The following CNOT1 variants were observed in gnomAD, a reference collection of about 807,000 sequenced individuals.
The protein encoded by CNOT1 is CCR4-NOT transcription complex subunit 1.
In CNOT1, 15 loss-of-function variants were observed where a neutral mutation model predicts 273.8. The ratio of observed to expected loss-of-function variants is 0.05; its 90% CI spans 0.04 to 0.08. The LOEUF is 0.08. Among genes scored for constraint, CNOT1 ranks in the 10% least tolerant of loss-of-function variants. CNOT1 has a pLI of 1.00. For synonymous variants in CNOT1, 1,022 were observed against 1,005.5 expected (o/e 1.02, Z -0.31); for missense variants, 1,644 against 2,912.2 (o/e 0.56, Z 10.02).
At chr16:58,565,330 G>T (rs1191518285) in intron 16 of CNOT1, among the ~76,000 whole-genome samples, 2 of 151,992 alleles carry the variant, frequency 1.3e-5, no homozygotes, top group Non-Finnish European at 2.9e-5. Flanking sequence ...GCCCAGGCTG[G>T]TCTCAAACTC....
At chr16:58,577,331 G>A (rs779334421) in intron 13 of CNOT1, among the ~76,000 whole-genome samples, 8 of 152,306 alleles carry the variant, frequency 5.3e-5, no homozygotes, top group Middle Eastern at 6.8e-3. Context: ...CAGCTATGGT[G>A]AGAAAGGAAT....
At chr16:58,562,763 CA>C (rs2040903866) in intron 16 of CNOT1, among the ~76,000 whole-genome samples, 1 of 152,058 alleles carries the variant, frequency 6.6e-6, no homozygotes, top group South Asian at 2.1e-4. Context: ...GCAGAGGATG[CA>C]ATGACCTGAG....
chr16:58,558,076 T>C (rs2040699996), intron 18 of CNOT1, among the ~76,000 whole-genome samples: 1 of 152,100 alleles, frequency 6.6e-6, no homozygotes, highest in Admixed American at 6.6e-5. Context: ...TGAAATGCAA[T>C]AAGGCAGGCA....
In CNOT1 at chr16:58,520,192, C is replaced by T. The variant is rs2039316780; in HGVS notation, c.*766G>A. ...AACAATTAATTAATGAGATTTGGTT[C>T]CCTTTCCTATATTCCCACTGTTTTT... is the stretch of plus-strand genomic sequence containing the variant. On this transcript the variant is annotated 3_prime_UTR_variant, in exon 49 of 49. Coordinates refer to ENST00000317147, the MANE Select transcript of CNOT1 (RefSeq NM_016284.5). 1 of 151,978 alleles carries T rather than the reference C, an allele frequency of 6.6e-6. No homozygotes were observed. 9.4% of individuals were successfully genotyped at this position (151,978 alleles called of 1,614,324 possible).
At position 58,576,561 on chromosome 16, in the gene CNOT1, G is replaced by T. The variant is rs1388654739; in HGVS notation, c.1606C>A (p.Gln536Lys). Residue 536 changes from glutamine (Q) to lysine (K), a missense_variant, in exon 14 of 49, where the codon CAA (glutamine) becomes AAA (lysine). Physicochemically the swap from Gln to Lys is moderately conservative, Grantham distance 53. This residue lies in a region of CNOT1 where 706 missense variants were observed against 1,021.2 expected (regional missense o/e 0.69). Coordinates refer to ENST00000317147, the MANE Select transcript of CNOT1 (RefSeq NM_016284.5). ...TCTGCCATTGCATGCATGATAAGTT[G>T]GCGAATTGAGGGAGACTGTCCCTAA... ...HGQGQSPSIRQLIMHAMAEWY... is the reference protein window; with the variant it reads ...HGQGQSPSIRKLIMHAMAEWY... 6.2e-7 allele frequency: 1 copy of T among 1,613,960 alleles called. No individual in the cohort carries two copies. Among genetic ancestry groups the T allele is most frequent in the African/African-American group, 1.3e-5 (1 of 74,882 alleles).
intron 10 of CNOT1, among the ~76,000 whole-genome samples, chr16:58,581,863 A>T (rs1242220286): frequency 6.6e-6 from 1 of 152,058 alleles, no homozygotes; most frequent in Admixed American, 6.6e-5. Flanking sequence ...GGTTTTCGCC[A>T]TGCTGGCCAG....
chr16:58,539,719 A>G, intron 35 of CNOT1, 49 bp downstream of exon 35: 1 of 1,524,462 alleles, frequency 6.6e-7, no homozygotes. Context: ...CAGGTCAATA[A>G]ATGTTTACAC....
At chr16:58,604,986 A>G (rs868270716) in intron 1 of CNOT1, among the ~76,000 whole-genome samples, 28 of 151,582 alleles carry the variant, frequency 1.8e-4, no homozygotes, top group Admixed American at 2.6e-4. Context: ...AATACAAAAA[A>G]GTAGCTGGGC....
chr16:58,539,563 GA>G (rs199659223), intron 35 of CNOT1, among the ~76,000 whole-genome samples: 1 of 147,072 alleles, frequency 6.8e-6, no homozygotes, highest in East Asian at 2.0e-4. Flanking sequence ...ATATCTTTAA[GA>G]AAAAAAATGA....
intron 46 of CNOT1, among the ~76,000 whole-genome samples, chr16:58,524,249 C>CAAAAAA (rs35148544): frequency 1.2e-5 from 1 of 82,366 alleles, no homozygotes; most frequent in South Asian, 4.8e-4. Context: ...GACTCTATCG[C>CAAAAAA]AAAAAAAAAA....
At chr16:58,549,599 T>C (rs2040388502) in intron 25 of CNOT1, 120 bp downstream of exon 25, 1 of 1,405,174 alleles carries the variant, frequency 7.1e-7, no homozygotes, top group African/African-American at 1.5e-5. Flanking sequence ...TCTACAGCAA[T>C]TTCCAGAGGT....
chr16:58,544,828 G>GA (rs1253709347), intron 30 of CNOT1, among the ~76,000 whole-genome samples: 3 of 152,050 alleles, frequency 2.0e-5, no homozygotes, highest in African/African-American at 7.2e-5. Flanking sequence ...CTAACTATAG[G>GA]AAAAAGGACT....
chr16:58,581,650 C>A, intron 10 of CNOT1, 135 bp from the exon 11 acceptor site: 1 of 1,370,624 alleles, frequency 7.3e-7, no homozygotes, highest in East Asian at 2.6e-5. Flanking sequence ...TTTTAAGAAA[C>A]CCATTCTTTT....
Position 58,533,426 on chromosome 16 carries a change from G to A in CNOT1, c.5895+721C>T, listed in dbSNP as rs573277741. The stretch of plus-strand genomic sequence containing the variant: ...CTGAGGCAGGCGGATCACAAGGTTG[G>A]GAGAGCGAGACCATCCTGGCTAACA... On this transcript the variant is annotated intron_variant, in intron 40 of 48. Transcript: ENST00000317147. Among the ~76,000 whole-genome samples the A allele has an allele frequency of 4.6e-5, 7 of 152,134 alleles. No homozygotes were observed. The East Asian group carries it at 1.4e-3, about 30-fold the overall frequency.
intron 1 of CNOT1, among the ~76,000 whole-genome samples, chr16:58,617,097 A>T (rs959580951): frequency 6.6e-6 from 1 of 152,232 alleles, no homozygotes; most frequent in Non-Finnish European, 1.5e-5. Flanking sequence ...TGCAGGGCTC[A>T]CGGCTGTAAT....
intron 21 of CNOT1, 65 bp downstream of exon 21, chr16:58,555,186 T>A: frequency 6.4e-7 from 1 of 1,570,550 alleles, no homozygotes; most frequent in East Asian, 2.2e-5. Context: ...CCAGCCTGGA[T>A]GAGAGTTAAG....
At chr16:58,567,946 C>T (rs2041114708) in intron 16 of CNOT1, among the ~76,000 whole-genome samples, 1 of 152,176 alleles carries the variant, frequency 6.6e-6, no homozygotes, top group African/African-American at 2.4e-5. Context: ...GACCTGAAAA[C>T]TGACCCAAAC....
At chr16:58,528,390 T>C in intron 44 of CNOT1, 85 bp downstream of exon 44, 1 of 913,068 alleles carries the variant, frequency 1.1e-6, no homozygotes, top group Middle Eastern at 2.2e-4. Flanking sequence ...TTATGTTGGG[T>C]AGGAAAGTGC....
In CNOT1 at chr16:58,609,254, C is replaced by T. The variant is rs191065701; in HGVS notation, c.-174-9743G>A. Among the ~76,000 whole-genome samples, 17 of 152,186 alleles carry T rather than the reference C, an allele frequency of 1.1e-4. 1 individual carries two copies. The highest frequency in any genetic ancestry group is 4.1e-4 in the African/African-American group (17 of 41,544). ...AGGTGTGGTGGCACACACCTATAAT[C>T]CCAGCTACTTGGGAGGCTGAGGCAG... On this transcript the variant is annotated intron_variant, in intron 1 of 48. Coordinates refer to ENST00000317147, the MANE Select transcript of CNOT1 (RefSeq NM_016284.5).
Sources: allele counts gnomAD v4.1 joint callset (sites outside exome capture counted in the v4.1 genomes callset), GRCh38; gene constraint gnomAD v4.1.1; regional missense constraint gnomAD v4.1.1; transcripts MANE v1.5; gene names NCBI Gene and HGNC (gene_info 2026-07-23, HGNC 2026-07-21).